CRHR2: variants seen among roughly 807,000 people sequenced by gnomAD.
CRHR2 encodes corticotropin-releasing hormone receptor 2.
Under a neutral mutation model 57.9 loss-of-function variants are expected in CRHR2, and 53 were observed. The ratio of observed to expected loss-of-function variants is 0.92; its 90% CI spans 0.73 to 1.15. CRHR2 has a LOEUF of 1.15. CRHR2 is among the 50% of genes most tolerant of loss of function. The probability of loss-of-function intolerance (pLI) is 0.00; values close to 1 mark genes in which losing one functional copy is unlikely to be tolerated. For missense variants in CRHR2, 532 were observed against 542.6 expected, an observed-to-expected ratio of 0.98 and a Z score of 0.19; for synonymous variants, 213 against 220.9, an observed-to-expected ratio of 0.96 and a Z score of 0.32.
upstream of CRHR2, among the ~76,000 whole-genome samples, chr7:30,685,663 G>A (rs1378969049): frequency 1.3e-5 from 2 of 152,136 alleles, no homozygotes; most frequent in Admixed American, 6.5e-5. Context: ...GGACTAAGCT[G>A]TGGGGACAGA....
At chr7:30,683,004 G>A (rs2128149104), upstream of CRHR2, among the ~76,000 whole-genome samples, 2 of 152,302 alleles carry the variant, frequency 1.3e-5, no homozygotes, top group Admixed American at 1.3e-4. Flanking sequence ...TGGCCTGAGT[G>A]GGTTGAAGTC....
At position 30,653,453 on chromosome 7, in the gene CRHR2, C is replaced by T. The variant is rs761262194; in HGVS notation, c.*7G>A. 20 of 1,612,318 alleles carry T rather than the reference C, an allele frequency of 1.2e-5. No homozygotes were observed. The highest frequency in any genetic ancestry group is 1.6e-4 in the Middle Eastern group (1 of 6,078). On this transcript the variant is annotated 3_prime_UTR_variant, in exon 12 of 12. Transcript: ENST00000471646. This position sits in a 1 kb window ranked among gnomAD's most constrained non-coding sequence, Gnocchi z 5.0. The stretch of plus-strand genomic sequence containing the variant: ...CAGGGGAGCTGTGCAGGTGGGCGAC[C>T]GAGGGGTCACACAGCGGCCGTCTGC...
chr7:30,681,839 G>A (rs1784717884), intron 2 of CRHR2, 76 bp downstream of exon 2: 12 of 1,513,022 alleles, frequency 7.9e-6, no homozygotes, highest in Non-Finnish European at 1.1e-5. Flanking sequence ...CGCTGGGTCC[G>A]GAATCCTCTT....
At chr7:30,679,817 G>A (rs1447598117) in intron 2 of CRHR2, among the ~76,000 whole-genome samples, 2 of 152,168 alleles carry the variant, frequency 1.3e-5, no homozygotes, top group South Asian at 2.1e-4. Context: ...TGTGAAGAAA[G>A]GGGAGGAGGG....
chr7:30,694,612 G>A (rs565262577), intron 1 of CRHR2, among the ~76,000 whole-genome samples: 22 of 152,290 alleles, frequency 1.4e-4, no homozygotes, highest in Non-Finnish European at 2.8e-4. Context: ...AATGGGGTGA[G>A]CTCCCTCCCT....
chr7:30,672,743 A>C (rs2128144966), intron 2 of CRHR2, among the ~76,000 whole-genome samples: 1 of 152,368 alleles, frequency 6.6e-6, no homozygotes, highest in Middle Eastern at 3.4e-3. Flanking sequence ...AGCATTCTCC[A>C]GGTTCCTGGC....
upstream of CRHR2, among the ~76,000 whole-genome samples, chr7:30,684,938 T>C: frequency 6.6e-6 from 1 of 152,164 alleles, no homozygotes; most frequent in Non-Finnish European, 1.5e-5. Context: ...CAGAGGTAGA[T>C]TAGAGGCTTT....
chr7:30,673,707 G>A (rs1056710483), intron 2 of CRHR2, among the ~76,000 whole-genome samples: 1 of 152,184 alleles, frequency 6.6e-6, no homozygotes, highest in Non-Finnish European at 1.5e-5. Flanking sequence ...CAAACGAGGT[G>A]CATCTCCTTG....
chr7:30,664,228 A>G (rs533426069), intron 5 of CRHR2, among the ~76,000 whole-genome samples: 15 of 152,336 alleles, frequency 9.8e-5, no homozygotes, highest in East Asian at 7.7e-4. Context: ...ATGTACTGAG[A>G]AGTCTCTGTC....
chr7:30,697,786 C>T (rs568453209), intron 1 of CRHR2, among the ~76,000 whole-genome samples: 2 of 152,346 alleles, frequency 1.3e-5, no homozygotes, highest in African/African-American at 4.8e-5. Context: ...CTCCCCTATC[C>T]CTTCCCTTGG....
exon 1 of CRHR2, chr7:30,699,972 A>G (rs1785138729): frequency 1.3e-6 from 2 of 1,491,162 alleles, no homozygotes; most frequent in East Asian, 2.8e-5. Flanking sequence ...GAGGAGGCAG[A>G]GCAGGCAGAG....
chr7:30,696,460 A>G (rs1358015876), intron 1 of CRHR2, among the ~76,000 whole-genome samples: 1 of 152,164 alleles, frequency 6.6e-6, no homozygotes, highest in Non-Finnish European at 1.5e-5. Flanking sequence ...GGTGGTTCAC[A>G]CCTGTAATCC....
intron 7 of CRHR2, among the ~76,000 whole-genome samples, chr7:30,661,458 G>T (rs1783996549): frequency 6.6e-6 from 1 of 152,138 alleles, no homozygotes; most frequent in South Asian, 2.1e-4. Flanking sequence ...ACTCTTACAA[G>T]CTCTTCCTAA....
chr7:30,674,073 A>G (rs1299570804), intron 2 of CRHR2, among the ~76,000 whole-genome samples: 2 of 151,936 alleles, frequency 1.3e-5, no homozygotes, highest in Non-Finnish European at 2.9e-5. Context: ...GAGACCCTCA[A>G]CTCCCTATTT....
chr7:30,665,411 T>C lies in CRHR2; in HGVS notation c.425+119A>G. 1 of 967,218 alleles carries C rather than the reference T, an allele frequency of 1.0e-6. No individual in the cohort carries two copies. The highest frequency in any genetic ancestry group is 1.6e-6 in the Non-Finnish European group (1 of 639,290). The allele number at this position is 967,218 out of a possible 1,614,324, so 59.9% of individuals were successfully genotyped here. On this transcript the variant is annotated intron_variant, in intron 4 of 11. Coordinates refer to ENST00000471646, the MANE Select transcript of CRHR2 (RefSeq NM_001883.5). The surrounding 1 kb of genome is among the most constrained non-coding windows in gnomAD (Gnocchi z 4.5). ...CTGGCACCCCACCCAAACCCCACTTTCTCCACGGGCCCTTTTATCTGCTGG... is the reference window on the plus strand; with the variant it reads ...CTGGCACCCCACCCAAACCCCACTTCCTCCACGGGCCCTTTTATCTGCTGG...
Position 30,682,230 on chromosome 7 carries a change from C to A in CRHR2, c.51G>T (p.Ala17=). The change falls in exon 1 of 12, where the codon GCG becomes GCT. Residue 17 remains alanine, a synonymous_variant. Transcript: ENST00000471646. Reference sequence around the variant, plus strand: ...CGTCCAAGAGCAGCTCTTCAGCCAGCGCCAGGCTGCAGTTGGCCTCCAGCA... The same window carrying A: ...CGTCCAAGAGCAGCTCTTCAGCCAGAGCCAGGCTGCAGTTGGCCTCCAGCA... ...HSLLEANCSL[A]LAEELLLDGW... is the part of the protein sequence containing the mutation. 1.9e-6 allele frequency: 3 copies of A among 1,589,890 alleles called. No homozygotes were observed. Among genetic ancestry groups the A allele is most frequent in the Non-Finnish European group, 2.6e-6 (3 of 1,175,618 alleles).
chr7:30,660,856 C>T (rs1013442302), intron 7 of CRHR2, among the ~76,000 whole-genome samples: 1 of 152,240 alleles, frequency 6.6e-6, no homozygotes, highest in African/African-American at 2.4e-5. Flanking sequence ...CTGATCTCCC[C>T]AGCCCGACTG....
chr7:30,695,078 G>A lies in CRHR2; in HGVS notation c.-261+4866C>T, dbSNP rs371454672. ...AGGAGGGGGAAGAGGGGAGGAAGGT[G>A]GACATGAGGAAGGAGGGGGAGGACG... On this transcript the variant is annotated intron_variant, in intron 1 of 13. Coordinates refer to the CRHR2 transcript ENST00000341843. Among the ~76,000 whole-genome samples the A allele has an allele frequency of 3.4e-3, 492 of 144,358 alleles. 4 individuals carry two copies. The highest frequency in any genetic ancestry group is 6.4e-3 in the Non-Finnish European group (422 of 65,804). 94.7% of individuals were successfully genotyped at this position (144,358 alleles called of 152,430 possible). A position where few individuals can be genotyped will look rare whatever the true frequency, so the allele number is the denominator to read the frequency against.
chr7:30,667,181 A>G lies in CRHR2; in HGVS notation c.315+47T>C. On this transcript the variant is annotated intron_variant, in intron 3 of 11. Transcript: ENST00000471646. ...GATCTTCTCTGCTCAACCTGAGTCC[A>G]AATACCTGTGTGAGGCCTGGGGTCA... is the stretch of plus-strand genomic sequence containing the variant. 2.6e-6 allele frequency: 4 copies of G among 1,567,372 alleles called. No individual in the cohort carries two copies. In the Admixed American group the frequency reaches 6.7e-5, roughly 26 times the overall value.
Sources: allele counts gnomAD v4.1 joint callset (sites outside exome capture counted in the v4.1 genomes callset), GRCh38; gene constraint gnomAD v4.1.1; non-coding constraint Gnocchi (gnomAD v3.1); transcripts MANE v1.5; gene names NCBI Gene and HGNC (gene_info 2026-07-23, HGNC 2026-07-21).